The following PLPPR5 variants were observed in gnomAD, a reference collection of about 807,000 sequenced individuals.
PLPPR5 encodes the protein phospholipid phosphatase-related protein type 5.
Under a neutral mutation model 33.9 loss-of-function variants are expected in PLPPR5, and 16 were observed. The observed-to-expected ratio is 0.47, with a 90% CI of 0.32 to 0.72. PLPPR5 has a LOEUF of 0.72. PLPPR5 is among the 30% of genes least tolerant of loss of function. The probability of loss-of-function intolerance (pLI) is 0.03; values close to 1 mark genes in which losing one functional copy is unlikely to be tolerated. For synonymous variants in PLPPR5, 163 were observed against 150.3 expected, an observed-to-expected ratio of 1.08 and a Z score of -0.62; for missense variants, 301 against 406.7, an observed-to-expected ratio of 0.74 and a Z score of 2.23.
intron 1 of PLPPR5, among the ~76,000 whole-genome samples, chr1:98,991,990 T>C (rs72732429): frequency 0.091 from 13,868 of 152,192 alleles, 736 homozygotes; most frequent in Non-Finnish European, 0.11. Context: ...TCTCCAGCAA[T>C]CCATCCCATA....
chr1:98,978,178 T>C (rs1450817365), intron 1 of PLPPR5, among the ~76,000 whole-genome samples: 2 of 151,952 alleles, frequency 1.3e-5, no homozygotes, highest in Non-Finnish European at 2.9e-5. Context: ...TCTGCCCAGT[T>C]CCTCACATAG....
At chr1:98,957,695 T>C (rs947169525) in intron 1 of PLPPR5, among the ~76,000 whole-genome samples, 7 of 152,236 alleles carry the variant, frequency 4.6e-5, no homozygotes, top group African/African-American at 1.7e-4. Flanking sequence ...TGTCATAATA[T>C]ACTACTTATA....
In PLPPR5 at chr1:98,952,995, G is replaced by A. The variant is rs908721507; in HGVS notation, c.621+75C>T. 10 of 1,546,100 alleles carry A rather than the reference G, an allele frequency of 6.5e-6. No homozygotes were observed. The African/African-American group carries it at 9.6e-5, about 15-fold the overall frequency. On this transcript the variant is annotated intron_variant, in intron 3 of 5. Coordinates refer to ENST00000263177, the MANE Select transcript of PLPPR5 (RefSeq NM_001037317.2). ...GCTTTAAGTGACTTTCATTATGGCAGAGAAAAAGAATTTCTACATTGGAAA... is the reference window on the plus strand; with the variant it reads ...GCTTTAAGTGACTTTCATTATGGCAAAGAAAAAGAATTTCTACATTGGAAA...
chr1:98,908,421 A>C (rs1648987705), intron 5 of PLPPR5, among the ~76,000 whole-genome samples: 1 of 152,144 alleles, frequency 6.6e-6, no homozygotes, highest in South Asian at 2.1e-4. Context: ...TGAAATGTAA[A>C]CGTCTCCATC....
chr1:98,947,820 AT>A (rs1418399900), intron 3 of PLPPR5, among the ~76,000 whole-genome samples: 1 of 152,230 alleles, frequency 6.6e-6, no homozygotes, highest in East Asian at 1.9e-4. Flanking sequence ...AGTTGTCATA[AT>A]AATAGTATAG....
rs574964938 is a variant in PLPPR5, at chr1:98,896,861, A to G, written c.934-3757T>C. ...GTAATTTAAAAAAAAAATGTTAATT[A>G]AGACAAAACTGTCACGATTCGTGGC... On this transcript the variant is annotated intron_variant, in intron 5 of 5. Transcript: ENST00000263177. 2.0e-5 allele frequency among the ~76,000 whole-genome samples: 3 copies of G among 152,310 alleles called. No homozygotes were observed. In the South Asian group the frequency reaches 6.2e-4, roughly 32 times the overall value.
intron 1 of PLPPR5, among the ~76,000 whole-genome samples, chr1:98,986,168 G>A (rs918382605): frequency 6.6e-6 from 1 of 151,816 alleles, no homozygotes; most frequent in Non-Finnish European, 1.5e-5. Context: ...TCATTTCTAA[G>A]TTAGCTATAA....
At chr1:98,918,452 T>G (rs1483322294) in intron 4 of PLPPR5, among the ~76,000 whole-genome samples, 2 of 152,202 alleles carry the variant, frequency 1.3e-5, no homozygotes, top group African/African-American at 2.4e-5. Context: ...GTCATAAATA[T>G]CATAATCAAT....
At chr1:98,973,657 AC>A (rs1651740025) in intron 1 of PLPPR5, among the ~76,000 whole-genome samples, 1 of 152,026 alleles carries the variant, frequency 6.6e-6, no homozygotes, top group Non-Finnish European at 1.5e-5. Flanking sequence ...ACCCAGGGAA[AC>A]CAGGACATAG....
intron 1 of PLPPR5, among the ~76,000 whole-genome samples, chr1:98,961,704 G>A (rs919236719): frequency 2.6e-5 from 4 of 152,006 alleles, no homozygotes; most frequent in African/African-American, 9.7e-5. Flanking sequence ...TGTCCTTATG[G>A]CTAATTTAAT....
intron 3 of PLPPR5, among the ~76,000 whole-genome samples, chr1:98,935,533 A>G (rs908302759): frequency 6.6e-6 from 1 of 152,210 alleles, no homozygotes; most frequent in East Asian, 1.9e-4. Context: ...AAAGTACCCA[A>G]TAAGAAAACT....
intron 5 of PLPPR5, among the ~76,000 whole-genome samples, chr1:98,913,447 A>T (rs1365207989): frequency 6.6e-6 from 1 of 151,636 alleles, no homozygotes; most frequent in African/African-American, 2.4e-5. Flanking sequence ...AGATCATTTA[A>T]CTCTTTTGGC....
At chr1:98,984,784 T>C (rs1652195038) in intron 1 of PLPPR5, among the ~76,000 whole-genome samples, 1 of 151,952 alleles carries the variant, frequency 6.6e-6, no homozygotes, top group Non-Finnish European at 1.5e-5. Context: ...TAGAGCAGGT[T>C]TCCTTCTTTT....
At chr1:98,973,812 G>C (rs1206542612) in intron 1 of PLPPR5, among the ~76,000 whole-genome samples, 2 of 151,050 alleles carry the variant, frequency 1.3e-5, no homozygotes, top group African/African-American at 4.9e-5. Flanking sequence ...ATTATCCTGG[G>C]ACCATGATGT....
At chr1:98,920,360 T>C (rs887159702) in intron 4 of PLPPR5, among the ~76,000 whole-genome samples, 1 of 152,090 alleles carries the variant, frequency 6.6e-6, no homozygotes, top group African/African-American at 2.4e-5. Context: ...TGTATGCTCT[T>C]GGCTTTGCCT....
At chr1:99,000,628 C>T (rs1297078254) in intron 1 of PLPPR5, among the ~76,000 whole-genome samples, 5 of 152,194 alleles carry the variant, frequency 3.3e-5, no homozygotes, top group Admixed American at 1.3e-4. Context: ...TCAAGACACA[C>T]CTTAAATACC....
At chr1:98,907,153 G>T (rs1276797479) in intron 5 of PLPPR5, among the ~76,000 whole-genome samples, 2 of 149,408 alleles carry the variant, frequency 1.3e-5, no homozygotes, top group African/African-American at 4.9e-5. Flanking sequence ...TTCCTTGACT[G>T]TGGAAAGAAG....
Position 98,987,232 on chromosome 1 carries a change from A to C in PLPPR5, c.237+17203T>G, listed in dbSNP as rs963970927. On this transcript the variant is annotated intron_variant, in intron 1 of 5. Transcript: ENST00000263177. ...TTAAGCCCCGGAAAAACTTCTAAGG[A>C]TATGTCTCTTATGTAGTATAAGAGA... Among the ~76,000 whole-genome samples the C allele has an allele frequency of 3.3e-5, 5 of 151,956 alleles. No individual in the cohort carries two copies. The East Asian group carries it at 9.7e-4, about 29-fold the overall frequency.
rs1257010220 is a variant in PLPPR5 at position 98,890,314 on chromosome 1, C to T, written c.*2758G>A. 3.9e-5 allele frequency: 6 copies of T among 152,386 alleles called. No individual in the cohort carries two copies. Among genetic ancestry groups the T allele is most frequent in the African/African-American group, 1.5e-4 (6 of 41,376 alleles). 9.4% of individuals were successfully genotyped at this position (152,386 alleles called of 1,614,324 possible). A position where few individuals can be genotyped will look rare whatever the true frequency, so the allele number is the denominator to read the frequency against. Reference sequence around the variant, plus strand: ...ATACACAGCAGAGAATTATTTCCTCCCCTACTGTTCTTTCACAAAGGAAAC... The same window carrying T: ...ATACACAGCAGAGAATTATTTCCTCTCCTACTGTTCTTTCACAAAGGAAAC... On this transcript the variant is annotated 3_prime_UTR_variant, in exon 6 of 6. Coordinates refer to ENST00000263177, the MANE Select transcript of PLPPR5 (RefSeq NM_001037317.2).
Sources: gnomAD v4.1 joint callset for allele counts (sites outside exome capture counted in the v4.1 genomes callset) on GRCh38, gnomAD v4.1.1 for gene constraint, MANE v1.5 for transcripts, NCBI Gene and HGNC (gene_info 2026-07-23, HGNC 2026-07-21) for gene names.